DNAH17: variants seen among roughly 807,000 people sequenced by gnomAD.
DNAH17 encodes the protein axonemal beta dynein heavy chain 17.
DNAH17 carries 376 observed loss-of-function variants against 485.6 expected under a neutral mutation model. The observed-to-expected ratio is 0.77, with a 90% confidence interval of 0.71 to 0.84. The LOEUF (loss-of-function observed/expected upper bound fraction) is 0.84. Among genes scored for constraint, DNAH17 ranks in the 40% least tolerant of loss-of-function variants. DNAH17 has a pLI of 0.00. For missense variants in DNAH17, 6,370 were observed against 5,839.3 expected, an observed-to-expected ratio of 1.09 and a Z score of -2.96; for synonymous variants, 3,031 against 2,405.9, an observed-to-expected ratio of 1.26 and a Z score of -7.60.
In DNAH17 at chr17:78,459,016, G is replaced by T. The variant is rs776363726; in HGVS notation, c.9846C>A (p.Ile3282=). The change falls in exon 61 of 81, where the codon ATC becomes ATA. Residue 3282 remains isoleucine, a synonymous_variant. Transcript: ENST00000389840. ...CGGCACTTACGGCAATCTTGTTTTT[G>T]ATCCGGGACAGCTTCTCTTGTGCCT... ...LAEAQEKLSR[I]KNKIAELNAN... 2.5e-6 allele frequency: 4 copies of T among 1,614,000 alleles called. No homozygotes were observed. The South Asian group carries it at 3.3e-5, about 13-fold the overall frequency.
intron 61 of DNAH17, 112 bp downstream of exon 61, chr17:78,458,889 G>T: frequency 7.9e-7 from 1 of 1,270,274 alleles, no homozygotes; most frequent in Non-Finnish European, 1.1e-6. Context: ...TTGCACTGCT[G>T]AATAATTCAT....
chr17:78,433,761 A>G (rs972582544), intron 75 of DNAH17, among the ~76,000 whole-genome samples: 4 of 152,062 alleles, frequency 2.6e-5, no homozygotes, highest in Non-Finnish European at 5.9e-5. Context: ...GAGCTGTCCA[A>G]AAGCCGGCTC....
In DNAH17 at chr17:78,571,646, C is replaced by G. The variant is rs891362532; in HGVS notation, c.676G>C (p.Val226Leu). ...LLDGLHPLPQ[V>L]EFEFWDTRLL... ...CGAGTGTCCCAGAACTCGAACTCCA[C>G]TTGGGGCAGGGGGTGCAGCCCATCC... Residue 226 changes from valine to leucine, a missense_variant, in exon 4 of 81, where the codon GTG (valine) becomes CTG (leucine). Val to Leu is a conservative substitution (Grantham distance 32, BLOSUM62 1). Transcript: ENST00000389840. 8 of 1,614,022 alleles carry G rather than the reference C, an allele frequency of 5.0e-6. No homozygotes were observed. Among genetic ancestry groups the G allele is most frequent in the East Asian group, 2.2e-5 (1 of 44,884 alleles).
chr17:78,494,876 G>A, intron 39 of DNAH17, 56 bp from the exon 40 acceptor site: 2 of 1,572,912 alleles, frequency 1.3e-6, no homozygotes, highest in Non-Finnish European at 1.7e-6. Flanking sequence ...GTGGCCAGCA[G>A]GCAGGTCTGG....
intron 37 of DNAH17, 34 bp downstream of exon 37, chr17:78,498,971 CCGA>C (rs769842018): frequency 1.3e-6 from 2 of 1,525,956 alleles, no homozygotes; most frequent in African/African-American, 2.8e-5. Flanking sequence ...AGCCAGTCAC[CCGA>C]CGTGACCCCG....
Position 78,460,277 on chromosome 17 carries a change from G to A in DNAH17, c.9340-20C>T. ...GACGTTCTGGAAGGAAGATGGACAG[G>A]AGAGGTTACTGCAGGCCTGTCCATG... On this transcript the variant is annotated intron_variant, in intron 58 of 80. Transcript: ENST00000389840. 3 of 1,569,540 alleles carry A rather than the reference G, an allele frequency of 1.9e-6. No homozygotes were observed. Among genetic ancestry groups the A allele is most frequent in the Admixed American group, 1.9e-5 (1 of 53,804 alleles).
chr17:78,478,414 T>C (rs1275574784), intron 51 of DNAH17, among the ~76,000 whole-genome samples: 3 of 129,924 alleles, frequency 2.3e-5, no homozygotes, highest in African/African-American at 9.4e-5. Flanking sequence ...TCACTACCAC[T>C]ATCACCATCA....
chr17:78,438,980 A>C, intron 73 of DNAH17, 110 bp downstream of exon 73: 1 of 1,443,922 alleles, frequency 6.9e-7, no homozygotes, highest in Non-Finnish European at 9.2e-7. Context: ...TTCCACCCAC[A>C]TTTCTGAATG....
intron 16 of DNAH17, among the ~76,000 whole-genome samples, chr17:78,547,450 T>C (rs2091793269): frequency 6.6e-6 from 1 of 152,184 alleles, no homozygotes; most frequent in African/African-American, 2.4e-5. Context: ...ACATGCAGAA[T>C]ATTGTTCTGT....
At chr17:78,569,286 TG>T in intron 8 of DNAH17, 34 bp from the exon 9 acceptor site, 1 of 1,596,328 alleles carries the variant, frequency 6.3e-7, no homozygotes. Flanking sequence ...AGGCCACGTT[TG>T]CTTCAAATGT....
At chr17:78,570,856 C>CAAAAAATAAAAAA (rs2092342552) in intron 6 of DNAH17, 92 bp downstream of exon 6, 1 of 242,884 alleles carries the variant, frequency 4.1e-6, no homozygotes, top group African/African-American at 9.4e-5. Context: ...GACTCCCTCT[C>CAAAAAATAAAAAA]AAAAAAAAAA....
At position 78,465,263 on chromosome 17, in the gene DNAH17, G is replaced by A. The variant is rs200936895; in HGVS notation, c.8940+1392C>T. Among the ~76,000 whole-genome samples, 77 of 151,978 alleles carry A rather than the reference G, an allele frequency of 5.1e-4. No individual in the cohort carries two copies. The East Asian group carries it at 0.011, about 22-fold the overall frequency. ...GGTGCCCAGGCTGGAGTGCAGTGGC[G>A]TGATCTCGGCTCGCTACAACCTCCA... On this transcript the variant is annotated intron_variant, in intron 56 of 80. Transcript: ENST00000389840.
intron 16 of DNAH17, among the ~76,000 whole-genome samples, chr17:78,544,469 G>T: frequency 6.6e-6 from 1 of 152,148 alleles, no homozygotes; most frequent in East Asian, 1.9e-4. Flanking sequence ...GTAGGGTCAG[G>T]ACCCTGGCTC....
intron 25 of DNAH17, among the ~76,000 whole-genome samples, chr17:78,517,937 GAGGTTTCTACAC>G (rs1488238619): frequency 6.6e-6 from 1 of 152,170 alleles, no homozygotes; most frequent in African/African-American, 2.4e-5. Flanking sequence ...AAATGGAAGT[GAGGTTTCTACAC>G]ACAAAAGTGA....
chr17:78,440,149 G>A (rs2087013735), intron 72 of DNAH17, among the ~76,000 whole-genome samples: 1 of 149,200 alleles, frequency 6.7e-6, no homozygotes, highest in African/African-American at 2.5e-5. Context: ...TGACCAGGCT[G>A]ATCTTGAACT....
chr17:78,561,938 G>C lies in DNAH17; in HGVS notation c.1612C>G (p.Leu538Val). Residue 538 changes from leucine (L) to valine (V), a missense_variant, in exon 12 of 81, where the codon CTT (leucine) becomes GTT (valine). Physicochemically the swap from Leu to Val is conservative, Grantham distance 32. Transcript: ENST00000389840. ...GAATACCTGGGCGCCACCTCGGCAA[G>C]AATCAGGGGCCGCTCCATGAGGCCC... ...CGGLMERPLI[L>V]AEVAPRYSVM... The C allele has an allele frequency of 6.2e-7, 1 of 1,613,038 alleles. No individual in the cohort carries two copies. The highest frequency in any genetic ancestry group is 8.5e-7 in the Non-Finnish European group (1 of 1,179,500).
chr17:78,551,746 G>A (rs900173568), intron 15 of DNAH17, 108 bp from the exon 16 acceptor site: 17 of 1,023,074 alleles, frequency 1.7e-5, no homozygotes, highest in Non-Finnish European at 2.4e-5. Flanking sequence ...GGCGAATCAC[G>A]AGGTCGGGAG....
In DNAH17 at chr17:78,463,054, G is replaced by A. The variant is rs375092108; in HGVS notation, c.8964C>T (p.Ser2988=). The A allele has an allele frequency of 2.5e-6, 4 of 1,613,802 alleles. No homozygotes were observed. The highest frequency in any genetic ancestry group is 1.3e-5 in the African/African-American group (1 of 74,892). ...GIPWEVKASI[S]FFMSYVHTTV... ...TGGTGTGCACGTAGGACATGAAGAA[G>A]CTGATGGAGGCCTTGACTTCCCACT... Residue 2988 remains serine (S), a synonymous_variant, in exon 57 of 81, where the codon AGC becomes AGT. Transcript: ENST00000389840.
chr17:78,496,840 T>A (rs1212855828), intron 37 of DNAH17: 1 of 150,374 alleles, frequency 6.7e-6, no homozygotes. Flanking sequence ...CCCGGCTAAT[T>A]TTTTGTATTT....
Sources: allele counts gnomAD v4.1 joint callset (sites outside exome capture counted in the v4.1 genomes callset), GRCh38; gene constraint gnomAD v4.1.1; transcripts MANE v1.5; gene names NCBI Gene and HGNC (gene_info 2026-07-23, HGNC 2026-07-21).